Variants in ADGRV1 observed in about 807,000 individuals in gnomAD.
The protein encoded by ADGRV1 is adhesion G protein-coupled receptor V1, also known as G-protein coupled receptor 98.
In ADGRV1, 359 loss-of-function variants were observed where a neutral mutation model predicts 596.2. That is an observed-to-expected ratio of 0.60 (90% CI 0.55 to 0.66). The LOEUF (loss-of-function observed/expected upper bound fraction) is 0.66. Ranked by LOEUF, ADGRV1 falls within the 30% of genes least tolerant of loss-of-function variation. The pLI is 0.00. For missense variants in ADGRV1, 7,274 were observed against 7,575.6 expected (o/e 0.96, Z 1.48); for synonymous variants, 2,681 against 2,679.2 (o/e 1.00, Z -0.02).
chr5:90,975,244 C>A (rs971398229), intron 84 of ADGRV1, among the ~76,000 whole-genome samples: 2 of 152,094 alleles, frequency 1.3e-5, no homozygotes, highest in South Asian at 4.1e-4. Context: ...CACTTTTACA[C>A]TGTTGGTGGG....
intron 21 of ADGRV1, among the ~76,000 whole-genome samples, chr5:90,668,464 T>A (rs1361938875): frequency 1.3e-5 from 2 of 152,140 alleles, no homozygotes; most frequent in Non-Finnish European, 2.9e-5. Context: ...TCACCCTGCT[T>A]CGGCTCCCGC....
chr5:90,772,776 G>A (rs1431899391), intron 59 of ADGRV1, among the ~76,000 whole-genome samples: 1 of 152,128 alleles, frequency 6.6e-6, no homozygotes, highest in Non-Finnish European at 1.5e-5. Context: ...ATGTAAAGAT[G>A]TTTATGGCAA....
intron 1 of ADGRV1, among the ~76,000 whole-genome samples, chr5:90,577,436 G>A (rs1693833849): frequency 1.3e-5 from 2 of 152,104 alleles, no homozygotes; most frequent in South Asian, 4.2e-4. Flanking sequence ...CAGATGTGTG[G>A]TGTTATTTCT....
At chr5:90,691,463 C>A (rs772350443) in intron 31 of ADGRV1, among the ~76,000 whole-genome samples, 1 of 148,980 alleles carries the variant, frequency 6.7e-6, no homozygotes, top group Non-Finnish European at 1.5e-5. Context: ...TGGCTCACTG[C>A]AACCTATGCT....
At chr5:91,058,749 G>A (rs1364276605) in intron 85 of ADGRV1, among the ~76,000 whole-genome samples, 3 of 152,078 alleles carry the variant, frequency 2.0e-5, no homozygotes, top group Admixed American at 6.6e-5. Context: ...AAACACACAT[G>A]AGTCATGAGG....
At chr5:90,822,630 A>G (rs1387580822) in intron 75 of ADGRV1, among the ~76,000 whole-genome samples, 2 of 152,096 alleles carry the variant, frequency 1.3e-5, no homozygotes, top group African/African-American at 4.8e-5. Context: ...TTGGTTCCAT[A>G]TGAACTTTAA....
chr5:90,854,168 C>T lies in ADGRV1; in HGVS notation c.17561C>T (p.Ser5854Phe), dbSNP rs546978141. The change falls in exon 81 of 90, where the codon TCT (serine) becomes TTT (phenylalanine). Residue 5854 changes from serine to phenylalanine, a missense_variant. Physicochemically the swap from Ser to Phe is radical, Grantham distance 155. Coordinates refer to ENST00000405460, the MANE Select transcript of ADGRV1 (RefSeq NM_032119.4). Reference sequence around the variant, plus strand: ...GAGCCTAGAATTATTCCTCAGACATCTCTGTGTCTCCTTTGGAATCAGGCT... The same window carrying T: ...GAGCCTAGAATTATTCCTCAGACATTTCTGTGTCTCCTTTGGAATCAGGCT... Reference protein sequence around the residue: ...AAEPRIIPQTSLCLLWNQAAA... With the variant: ...AAEPRIIPQTFLCLLWNQAAA... 2.2e-5 allele frequency: 34 copies of T among 1,554,394 alleles called. No homozygotes were observed. The highest frequency in any genetic ancestry group is 2.6e-5 in the Non-Finnish European group (30 of 1,147,892).
chr5:90,708,959 A>G, intron 39 of ADGRV1, 50 bp downstream of exon 39: 2 of 1,238,248 alleles, frequency 1.6e-6, no homozygotes, highest in Non-Finnish European at 2.4e-6. Context: ...AAATGAAATG[A>G]AGAAACTTCA....
At chr5:90,857,941 A>T (rs2443089) in intron 82 of ADGRV1, among the ~76,000 whole-genome samples, 83,494 of 151,440 alleles carry the variant, frequency 0.55, 23,562 homozygotes, top group Admixed American at 0.69. Context: ...ACCTTTTTTT[A>T]AAAAAACAGA....
At chr5:91,080,429 G>A (rs1254947358) in intron 86 of ADGRV1, among the ~76,000 whole-genome samples, 1 of 151,980 alleles carries the variant, frequency 6.6e-6, no homozygotes, top group Non-Finnish European at 1.5e-5. Context: ...AAGCTCTCCA[G>A]AGCTGCCATT....
intron 83 of ADGRV1, among the ~76,000 whole-genome samples, chr5:90,925,433 G>T (rs1302671169): frequency 6.6e-6 from 1 of 152,130 alleles, no homozygotes; most frequent in Non-Finnish European, 1.5e-5. Flanking sequence ...CTCTCTGTTT[G>T]TCTATTATTG....
rs762036043 is a variant in ADGRV1, at chr5:90,694,090, A to G, written c.7334A>G (p.Lys2445Arg). 6.8e-6 allele frequency: 11 copies of G among 1,613,772 alleles called. No homozygotes were observed. The highest frequency in any genetic ancestry group is 8.5e-6 in the Non-Finnish European group (10 of 1,179,866). ...PLYTCATLCL[K>R]EQACSAFSFF... ...TATACCTGTGCCACTTTGTGCCTTA[A>G]GGAACAAGCTTGCTCAGCGTTTTCA... Residue 2445 changes from lysine (K) to arginine (R), a missense_variant, in exon 33 of 90, where the codon AAG becomes AGG. Transcript: ENST00000405460.
At chr5:90,856,985 A>C (rs1419894601) in intron 82 of ADGRV1, among the ~76,000 whole-genome samples, 2 of 152,178 alleles carry the variant, frequency 1.3e-5, no homozygotes, top group African/African-American at 4.8e-5. Flanking sequence ...TGGAGATAGA[A>C]TCAAGTAATT....
intron 4 of ADGRV1, among the ~76,000 whole-genome samples, chr5:90,621,555 A>G (rs563566167): frequency 3.3e-5 from 5 of 152,292 alleles, no homozygotes; most frequent in African/African-American, 1.2e-4. Flanking sequence ...CTTTCCTGCT[A>G]CACTTACTCT....
chr5:91,096,847 C>T (rs1307274576), intron 86 of ADGRV1, among the ~76,000 whole-genome samples: 1 of 152,166 alleles, frequency 6.6e-6, no homozygotes, highest in Admixed American at 6.5e-5. Context: ...CAAACAGAAA[C>T]TCTATATCCA....
At chr5:90,704,597 T>C in intron 36 of ADGRV1, 109 bp downstream of exon 36, 1 of 636,528 alleles carries the variant, frequency 1.6e-6, no homozygotes, top group Non-Finnish European at 2.7e-6. Flanking sequence ...TTTAAAATGT[T>C]ACTTTATTAT....
chr5:90,634,779 T>C (rs1765944720), intron 9 of ADGRV1, among the ~76,000 whole-genome samples: 1 of 151,334 alleles, frequency 6.6e-6, no homozygotes, highest in Non-Finnish European at 1.5e-5. Context: ...GTAAGGTGTT[T>C]GTGTGACATT....
In ADGRV1 at chr5:90,745,039, C is replaced by A. The variant is rs191228562; in HGVS notation, c.10550-7C>A. The A allele has an allele frequency of 1.2e-6, 2 of 1,608,074 alleles. 1 individual carries two copies. Among genetic ancestry groups the A allele is most frequent in the South Asian group, 2.2e-5 (2 of 90,464 alleles). ...CACTCAAGTTGTTTTTTCTTTCCTT[C>A]CTGCAGCCCACATACTTCTTATTGG... On this transcript the variant is annotated splice_polypyrimidine_tract_variant and splice_region_variant and intron_variant, in intron 50 of 89. Coordinates refer to ENST00000405460, the MANE Select transcript of ADGRV1 (RefSeq NM_032119.4).
Position 90,614,835 on chromosome 5 carries a change from G to T in ADGRV1, c.23G>T (p.Gly8Val). ...TAATATTTTTTTCTTTTTGTTTTAG[G>T]GATGCCCTCTGCATCTTTATTAGTA... MSVFLGP[G>V]MPSASLLVNL... is the part of the protein sequence containing the mutation. The change falls in exon 2 of 90, where the codon GGG (glycine) becomes GTG (valine). Residue 8 changes from glycine to valine, a missense_variant and splice_region_variant. This residue lies in a region of ADGRV1 where 1,715 missense variants were observed against 1,708.8 expected (regional missense o/e 1.00). Transcript: ENST00000405460. 6.2e-7 allele frequency: 1 copy of T among 1,602,756 alleles called. No individual in the cohort carries two copies. The highest frequency in any genetic ancestry group is 8.5e-7 in the Non-Finnish European group (1 of 1,171,586).
Sources: allele counts gnomAD v4.1 joint callset (sites outside exome capture counted in the v4.1 genomes callset), GRCh38; gene constraint gnomAD v4.1.1; regional missense constraint gnomAD v4.1.1; transcripts MANE v1.5; gene names NCBI Gene and HGNC (gene_info 2026-07-23, HGNC 2026-07-21).